Variants in CSMD1 observed in about 807,000 individuals in gnomAD.
CSMD1 encodes the protein CUB and sushi domain-containing protein 1.
Under a neutral mutation model 417.5 loss-of-function variants are expected in CSMD1, and 213 were observed. That is an observed-to-expected ratio of 0.51 (90% CI 0.46 to 0.57). The LOEUF (loss-of-function observed/expected upper bound fraction) is 0.57, where lower values mean the gene tolerates loss of function less well. Among genes scored for constraint, CSMD1 ranks in the 20% least tolerant of loss-of-function variants. CSMD1 has a pLI of 0.00. For missense variants in CSMD1, 6,923 were observed against 4,529.7 expected, an observed-to-expected ratio of 1.53 and a Z score of -15.17; for synonymous variants, 2,862 against 1,736.8, an observed-to-expected ratio of 1.65 and a Z score of -16.11.
intron 54 of CSMD1, among the ~76,000 whole-genome samples, chr8:2,993,462 T>C (rs1436762664): frequency 1.3e-5 from 2 of 152,220 alleles, no homozygotes; most frequent in African/African-American, 4.8e-5. Flanking sequence ...GTCAGGGCAC[T>C]GAGGCAGAGG....
At chr8:2,983,740 C>T (rs961667824) in intron 54 of CSMD1, among the ~76,000 whole-genome samples, 1 of 152,146 alleles carries the variant, frequency 6.6e-6, no homozygotes, top group Non-Finnish European at 1.5e-5. Context: ...CAACTATGAT[C>T]GAGGTCGTGC....
intron 7 of CSMD1, among the ~76,000 whole-genome samples, chr8:3,629,084 A>G (rs944266863): frequency 1.3e-5 from 2 of 152,092 alleles, no homozygotes; most frequent in Non-Finnish European, 1.5e-5. Context: ...GAGGAGTGAG[A>G]AGTCGGGGGA....
At chr8:4,087,328 C>G (rs906285129) in intron 3 of CSMD1, among the ~76,000 whole-genome samples, 7 of 152,194 alleles carry the variant, frequency 4.6e-5, no homozygotes, top group African/African-American at 1.4e-4. Flanking sequence ...ACCATTCACA[C>G]TCCCCAGGGA....
intron 11 of CSMD1, among the ~76,000 whole-genome samples, chr8:3,480,703 G>A (rs1022530652): frequency 1.3e-5 from 2 of 152,064 alleles, no homozygotes; most frequent in African/African-American, 4.8e-5. Flanking sequence ...GTTACCTACA[G>A]GATAAAACTA....
intron 41 of CSMD1, among the ~76,000 whole-genome samples, chr8:3,125,448 A>C (rs1292122347): frequency 6.6e-6 from 1 of 152,254 alleles, no homozygotes; most frequent in African/African-American, 2.4e-5. Context: ...AAAAGTTTTA[A>C]TTTAAGAAAG....
chr8:4,910,539 C>G (rs1000104845), intron 1 of CSMD1, among the ~76,000 whole-genome samples: 2 of 152,154 alleles, frequency 1.3e-5, no homozygotes, highest in South Asian at 2.1e-4. Flanking sequence ...GACAAGGAAT[C>G]TCTGAAGCTT....
At chr8:3,183,782 A>G (rs924404508) in intron 36 of CSMD1, among the ~76,000 whole-genome samples, 2 of 152,182 alleles carry the variant, frequency 1.3e-5, no homozygotes, top group Non-Finnish European at 1.5e-5. Context: ...CTGCCCTCCA[A>G]TCAGTCATCA....
At chr8:4,071,224 G>A (rs983074117) in intron 3 of CSMD1, among the ~76,000 whole-genome samples, 2 of 151,420 alleles carry the variant, frequency 1.3e-5, no homozygotes, top group African/African-American at 2.4e-5. Flanking sequence ...TCAGCTAAAC[G>A]TCTGTTAGGC....
intron 1 of CSMD1, among the ~76,000 whole-genome samples, chr8:4,763,756 C>T (rs941836812): frequency 7.9e-5 from 12 of 152,148 alleles, no homozygotes; most frequent in African/African-American, 2.4e-4. Flanking sequence ...TTTCAAGAGG[C>T]AGGGCAGTCG....
chr8:3,596,202 C>G (rs113126068), intron 8 of CSMD1, among the ~76,000 whole-genome samples: 1,640 of 152,188 alleles, frequency 0.011, 36 homozygotes, highest in African/African-American at 0.038. Flanking sequence ...CAGCAGCCTG[C>G]ACCACCGCCC....
At chr8:4,043,955 T>G (rs1486780338) in intron 3 of CSMD1, among the ~76,000 whole-genome samples, 1 of 152,158 alleles carries the variant, frequency 6.6e-6, no homozygotes, top group Non-Finnish European at 1.5e-5. Context: ...GTCCCAATTG[T>G]GTTGATATAA....
At chr8:3,118,304 A>T in intron 42 of CSMD1, 95 bp downstream of exon 42, 1 of 834,238 alleles carries the variant, frequency 1.2e-6, no homozygotes, top group Non-Finnish European at 1.8e-6. Flanking sequence ...TTTATTGAAT[A>T]CATTAATAAA....
chr8:3,101,248 C>G (rs930358618), intron 46 of CSMD1, among the ~76,000 whole-genome samples: 1 of 152,156 alleles, frequency 6.6e-6, no homozygotes, highest in Non-Finnish European at 1.5e-5. Context: ...CCATCTCCTC[C>G]TTTTTCCTCA....
intron 5 of CSMD1, among the ~76,000 whole-genome samples, chr8:3,919,268 G>C (rs773484395): frequency 2.3e-4 from 35 of 151,550 alleles, no homozygotes; most frequent in Admixed American, 4.0e-4. Flanking sequence ...TTTCTTCTAG[G>C]AGTTTTGCGG....
At chr8:4,072,241 G>C (rs565639673) in intron 3 of CSMD1, among the ~76,000 whole-genome samples, 11 of 152,262 alleles carry the variant, frequency 7.2e-5, no homozygotes, top group Non-Finnish European at 1.3e-4. Context: ...GTGAAGAAGG[G>C]TTGAATCCCA....
chr8:3,852,982 A>G (rs1466228550), intron 5 of CSMD1, among the ~76,000 whole-genome samples: 1 of 152,096 alleles, frequency 6.6e-6, no homozygotes, highest in Non-Finnish European at 1.5e-5. Context: ...AGGCTCCCCA[A>G]GAGTGTTCTT....
intron 1 of CSMD1, among the ~76,000 whole-genome samples, chr8:4,959,978 A>G (rs184759132): frequency 1.3e-5 from 2 of 152,342 alleles, no homozygotes; most frequent in Admixed American, 6.5e-5. Flanking sequence ...GTATTTTGTT[A>G]CTGACTTATG....
intron 1 of CSMD1, among the ~76,000 whole-genome samples, chr8:4,831,658 C>T (rs1800156184): frequency 6.6e-6 from 1 of 152,274 alleles, no homozygotes; most frequent in South Asian, 2.1e-4. Flanking sequence ...AATGATGATA[C>T]TCTGATTTTT....
intron 3 of CSMD1, among the ~76,000 whole-genome samples, chr8:4,331,572 G>A (rs117621302): frequency 0.011 from 1,633 of 152,242 alleles, 83 homozygotes; most frequent in Admixed American, 0.086. Flanking sequence ...ACAGCTGGGA[G>A]ACTGCAGACA....
Sources: allele counts gnomAD v4.1 joint callset (sites outside exome capture counted in the v4.1 genomes callset), GRCh38; gene constraint gnomAD v4.1.1; transcripts MANE v1.5; gene names NCBI Gene and HGNC (gene_info 2026-07-23, HGNC 2026-07-21).